Variants in MAD1L1 observed in about 807,000 individuals in gnomAD.
MAD1L1 encodes mitotic spindle assembly checkpoint protein MAD1.
In MAD1L1, 95 loss-of-function variants were observed where a neutral mutation model predicts 96.9. That is an observed-to-expected ratio of 0.98 (90% CI 0.83 to 1.16). MAD1L1 has a LOEUF of 1.16. Ranked by LOEUF, MAD1L1 falls within the 50% of genes most tolerant of loss-of-function variation. MAD1L1 has a pLI of 0.00. For missense variants in MAD1L1, 1,007 were observed against 954.4 expected, an observed-to-expected ratio of 1.06 and a Z score of -0.73; for synonymous variants, 473 against 396.6, an observed-to-expected ratio of 1.19 and a Z score of -2.29.
chr7:2,030,006 G>C (rs1189370131), intron 12 of MAD1L1, among the ~76,000 whole-genome samples: 2 of 152,184 alleles, frequency 1.3e-5, no homozygotes, highest in African/African-American at 2.4e-5. Flanking sequence ...GCAGATGCTG[G>C]CTGTCCCCTC....
chr7:1,922,096 G>A (rs1788827219), intron 17 of MAD1L1, among the ~76,000 whole-genome samples: 1 of 152,256 alleles, frequency 6.6e-6, no homozygotes, highest in Admixed American at 6.5e-5. Flanking sequence ...AGGGAGTGCA[G>A]CCAGCAGCCG....
chr7:2,185,344 C>T (rs930367357), intron 10 of MAD1L1, among the ~76,000 whole-genome samples: 5 of 152,080 alleles, frequency 3.3e-5, no homozygotes, highest in Admixed American at 2.0e-4. Context: ...GCTTGTCTCC[C>T]GGGGGTAGGA....
At chr7:1,878,282 A>G (rs747049362) in intron 18 of MAD1L1, among the ~76,000 whole-genome samples, 119 of 152,170 alleles carry the variant, frequency 7.8e-4, no homozygotes, top group Non-Finnish European at 1.1e-3. Context: ...TCCAGAAAAA[A>G]GAGGAGGAGG....
intron 12 of MAD1L1, among the ~76,000 whole-genome samples, chr7:2,054,389 G>A (rs570796721): frequency 6.7e-4 from 102 of 152,116 alleles, no homozygotes; most frequent in Non-Finnish European, 1.2e-3. Context: ...CACTGGAGAC[G>A]GGTAAAATGC....
chr7:1,859,298 G>A (rs1784407174), intron 18 of MAD1L1, among the ~76,000 whole-genome samples: 1 of 152,228 alleles, frequency 6.6e-6, no homozygotes, highest in African/African-American at 2.4e-5. Context: ...CAGTGGCAAC[G>A]ACAGCCTCCT....
chr7:2,071,605 C>T (rs979076866), intron 11 of MAD1L1, among the ~76,000 whole-genome samples: 25 of 152,190 alleles, frequency 1.6e-4, no homozygotes, highest in African/African-American at 4.3e-4. Context: ...ACTAGAGGCT[C>T]GGGACTTCAG....
chr7:1,887,220 T>C (rs1017198087), intron 18 of MAD1L1, among the ~76,000 whole-genome samples: 5 of 152,140 alleles, frequency 3.3e-5, no homozygotes, highest in African/African-American at 1.2e-4. Context: ...TGAGCATGTG[T>C]GTGTGAGCAT....
chr7:1,866,077 G>A (rs1465904002), intron 18 of MAD1L1, among the ~76,000 whole-genome samples: 4 of 152,258 alleles, frequency 2.6e-5, no homozygotes, highest in African/African-American at 9.6e-5. Context: ...CCATGTCAGA[G>A]ACCACGAGTG....
At chr7:2,226,833 T>C (rs935426821) in intron 3 of MAD1L1, among the ~76,000 whole-genome samples, 2 of 142,652 alleles carry the variant, frequency 1.4e-5, no homozygotes, top group African/African-American at 5.3e-5. Context: ...CTACTAAAAA[T>C]ACAAAAATTA....
intron 10 of MAD1L1, among the ~76,000 whole-genome samples, chr7:2,173,160 T>C (rs894437787): frequency 5.3e-5 from 8 of 152,212 alleles, no homozygotes; most frequent in African/African-American, 1.9e-4. Flanking sequence ...CTCTAAGTTA[T>C]TTGAGTCAAT....
Position 2,225,516 on chromosome 7 carries a change from G to T in MAD1L1, c.185C>A (p.Ser62Tyr). 1 of 1,613,968 alleles carries T rather than the reference G, an allele frequency of 6.2e-7. No individual in the cohort carries two copies. Among genetic ancestry groups the T allele is most frequent in the Non-Finnish European group, 8.5e-7 (1 of 1,180,024 alleles). ...EERAEQIRSKSHLIQVEREKM... is the reference protein window; with the variant it reads ...EERAEQIRSKYHLIQVEREKM... ...CTCCCGCTCCACCTGGATGAGGTGGGACTTCGAACGGATCTGCTCTGCTCT... is the reference window on the plus strand; with the variant it reads ...CTCCCGCTCCACCTGGATGAGGTGGTACTTCGAACGGATCTGCTCTGCTCT... Residue 62 changes from serine to tyrosine, a missense_variant, in exon 4 of 19, where the codon TCC (serine) becomes TAC (tyrosine). Physicochemically the swap from Ser to Tyr is moderately radical, Grantham distance 144. Transcript: ENST00000265854.
Position 2,080,839 on chromosome 7 carries a change from G to A in MAD1L1, c.1074-11501C>T, listed in dbSNP as rs79896837. 3.2e-3 allele frequency among the ~76,000 whole-genome samples: 489 copies of A among 152,298 alleles called. 3 individuals are homozygous for A. Among genetic ancestry groups the A allele is most frequent in the African/African-American group, 0.011 (468 of 41,562 alleles). On this transcript the variant is annotated intron_variant, in intron 11 of 18. Transcript: ENST00000265854. Reference sequence around the variant, plus strand: ...CCCTGCCAGGGAGGGAGACGTTTTCGCCTCATTTCTCGGTTAGGGACACAA... The same window carrying A: ...CCCTGCCAGGGAGGGAGACGTTTTCACCTCATTTCTCGGTTAGGGACACAA...
chr7:2,037,664 T>G (rs1783500259), intron 12 of MAD1L1, among the ~76,000 whole-genome samples: 1 of 152,164 alleles, frequency 6.6e-6, no homozygotes, highest in East Asian at 1.9e-4. Context: ...TCTCCGATCT[T>G]ACTGCTGTCA....
At chr7:1,989,118 G>A (rs1437693882) in intron 14 of MAD1L1, among the ~76,000 whole-genome samples, 5 of 152,272 alleles carry the variant, frequency 3.3e-5, no homozygotes, top group Non-Finnish European at 7.3e-5. Flanking sequence ...GAAGACAGAT[G>A]CGTGGCTGAT....
At chr7:2,046,134 T>C (rs895296730) in intron 12 of MAD1L1, among the ~76,000 whole-genome samples, 3 of 152,132 alleles carry the variant, frequency 2.0e-5, no homozygotes, top group Non-Finnish European at 4.4e-5. Context: ...GTGCCTCTCC[T>C]GGGATGCGGG....
At chr7:1,859,529 T>C (rs1784417184) in intron 18 of MAD1L1, among the ~76,000 whole-genome samples, 1 of 152,200 alleles carries the variant, frequency 6.6e-6, no homozygotes, top group Non-Finnish European at 1.5e-5. Context: ...AAGTGGGATC[T>C]GAGTGGCCCC....
chr7:1,947,998 C>G (rs1779310313), intron 16 of MAD1L1, among the ~76,000 whole-genome samples: 1 of 152,328 alleles, frequency 6.6e-6, no homozygotes, highest in Non-Finnish European at 1.5e-5. Flanking sequence ...ATGCTGCTGT[C>G]CGTGACCAGT....
intron 13 of MAD1L1, among the ~76,000 whole-genome samples, chr7:2,011,479 CCT>C (rs1347283229): frequency 8.5e-5 from 13 of 152,214 alleles, no homozygotes; most frequent in Non-Finnish European, 1.8e-4. Flanking sequence ...CAGATGCTCC[CCT>C]GAGGCAGGAA....
chr7:2,226,455 G>A (rs1427701619), intron 3 of MAD1L1, among the ~76,000 whole-genome samples: 1 of 151,838 alleles, frequency 6.6e-6, no homozygotes, highest in Non-Finnish European at 1.5e-5. Context: ...TGAGCTCCTG[G>A]GGGCCCTCTC....
Sources: allele counts gnomAD v4.1 joint callset (sites outside exome capture counted in the v4.1 genomes callset), GRCh38; gene constraint gnomAD v4.1.1; transcripts MANE v1.5; gene names NCBI Gene and HGNC (gene_info 2026-07-23, HGNC 2026-07-21).